Variants in PLCH1 observed in about 807,000 individuals in gnomAD.
PLCH1 encodes phospholipase C eta 1.
A neutral mutation model predicts 126.7 loss-of-function variants in PLCH1; 60 were observed. The ratio of observed to expected loss-of-function variants is 0.47; its 90% CI spans 0.38 to 0.59. The LOEUF is 0.59. Ranked by LOEUF, PLCH1 falls within the 20% of genes least tolerant of loss-of-function variation. The probability of loss-of-function intolerance (pLI) is 0.00; values close to 1 mark genes in which losing one functional copy is unlikely to be tolerated. For missense variants in PLCH1, 1,723 were observed against 2,040.0 expected (o/e 0.84, Z 2.99); for synonymous variants, 719 against 734.9 (o/e 0.98, Z 0.35).
At chr3:155,579,938 CAT>C (rs1730448400) in intron 6 of PLCH1, among the ~76,000 whole-genome samples, 1 of 152,104 alleles carries the variant, frequency 6.6e-6, no homozygotes, top group South Asian at 2.1e-4. Flanking sequence ...CATACACACA[CAT>C]GCAGAGGCAA....
chr3:155,683,951 G>T (rs935622089), intron 2 of PLCH1, among the ~76,000 whole-genome samples: 2 of 152,156 alleles, frequency 1.3e-5, no homozygotes, highest in East Asian at 3.8e-4. Flanking sequence ...GTATTCTCCA[G>T]CACTCCAGCT....
At position 155,482,176 on chromosome 3, in the gene PLCH1, A is replaced by G. The variant is rs1325452112; in HGVS notation, c.3850T>C (p.Ser1284Pro). Residue 1284 changes from serine (S) to proline (P), a missense_variant, in exon 23 of 23, where the codon TCT becomes CCT. This residue lies in a region of PLCH1 where 947 missense variants were observed against 977.1 expected (regional missense o/e 0.97). Coordinates refer to ENST00000460012, the MANE Select transcript of PLCH1 (RefSeq NM_014996.4). ...AAGGCCGCTGTCTTGGCCTTACTAG[A>G]AAGGTCATCATCTGGTTTGGTTTTA... The part of the protein sequence containing the change: ...ISKTKPDDDL[S>P]SKAKTAALES... 1.2e-6 allele frequency: 2 copies of G among 1,614,030 alleles called. No individual in the cohort carries two copies. Among genetic ancestry groups the G allele is most frequent in the African/African-American group, 1.3e-5 (1 of 74,900 alleles).
chr3:155,599,903 C>G (rs1401683933), intron 2 of PLCH1, among the ~76,000 whole-genome samples: 6 of 152,180 alleles, frequency 3.9e-5, no homozygotes, highest in African/African-American at 1.4e-4. Context: ...AACATTTTAA[C>G]AGGAACGGTA....
intron 2 of PLCH1, among the ~76,000 whole-genome samples, chr3:155,621,071 C>A (rs1372244379): frequency 1.3e-5 from 2 of 152,152 alleles, no homozygotes; most frequent in African/African-American, 4.8e-5. Context: ...AAGGAACAGG[C>A]TGCAATCTTT....
chr3:155,686,416 A>T (rs769658552), intron 2 of PLCH1, among the ~76,000 whole-genome samples: 1 of 152,254 alleles, frequency 6.6e-6, no homozygotes, highest in Admixed American at 6.5e-5. Context: ...ATAAGGACCC[A>T]TGGAAGGGAC....
At chr3:155,460,623 C>T (rs572432046) in intron 21 of PLCH1, among the ~76,000 whole-genome samples, 2 of 152,216 alleles carry the variant, frequency 1.3e-5, no homozygotes, top group South Asian at 4.2e-4. Context: ...AGCAATATCT[C>T]CTCCCAAGAT....
At chr3:155,706,943 G>T (rs1180758698) in intron 1 of PLCH1, among the ~76,000 whole-genome samples, 1 of 152,174 alleles carries the variant, frequency 6.6e-6, no homozygotes, top group East Asian at 1.9e-4. Context: ...TTGAATGTTT[G>T]TGTCTGCCCC....
intron 3 of PLCH1, among the ~76,000 whole-genome samples, 182 bp from the exon 4 acceptor site, chr3:155,594,366 T>C (rs1202329708): frequency 6.6e-6 from 1 of 151,642 alleles, no homozygotes; most frequent in East Asian, 1.9e-4. Flanking sequence ...AGCTCAGGAG[T>C]TCGAGACCAG....
intron 2 of PLCH1, among the ~76,000 whole-genome samples, chr3:155,620,382 A>G (rs1010593604): frequency 1.3e-5 from 2 of 152,218 alleles, no homozygotes; most frequent in Non-Finnish European, 1.5e-5. Context: ...AAGAATAAGC[A>G]AGGCTGAGAT....
Position 155,485,713 on chromosome 3 carries a change from G to T in PLCH1, c.2620-3C>A. 1 of 1,568,780 alleles carries T rather than the reference G, an allele frequency of 6.4e-7. No homozygotes were observed. Among genetic ancestry groups the T allele is most frequent in the Non-Finnish European group, 8.6e-7 (1 of 1,156,398 alleles). On this transcript the variant is annotated splice_region_variant and splice_polypyrimidine_tract_variant and intron_variant, in intron 21 of 22. Transcript: ENST00000460012. ...TTCAGACCCTGGAGTTGTCTGTTCT[G>T]AAGACACAAAAGAACCAACCACAAG...
intron 11 of PLCH1, among the ~76,000 whole-genome samples, chr3:155,515,812 G>T (rs557849459): frequency 1.4e-3 from 219 of 152,268 alleles, no homozygotes; most frequent in Non-Finnish European, 2.4e-3. Flanking sequence ...CCCCCAAAGG[G>T]AGGAAAGGGA....
chr3:155,581,528 A>C lies in PLCH1; in HGVS notation c.771+1944T>G, dbSNP rs539827581. Among the ~76,000 whole-genome samples, 4 of 152,332 alleles carry C rather than the reference A, an allele frequency of 2.6e-5. No individual in the cohort carries two copies. In the South Asian group the frequency reaches 8.3e-4, roughly 32 times the overall value. The stretch of plus-strand genomic sequence containing the variant: ...AATGAATCTTGAAAACATTACGCCA[A>C]ATGAAAGAAGCCAGTCACAAAGGTC... On this transcript the variant is annotated intron_variant, in intron 6 of 22. Coordinates refer to ENST00000460012, the MANE Select transcript of PLCH1 (RefSeq NM_014996.4).
chr3:155,676,102 CT>C, intron 2 of PLCH1: 1 of 1,432,602 alleles, frequency 7.0e-7, no homozygotes, highest in Non-Finnish European at 9.2e-7. Flanking sequence ...AAGGCAAAGC[CT>C]TTTCCTGATA....
At position 155,699,822 on chromosome 3, in the gene PLCH1, T is replaced by TCACACACACACACACACACACACACA. The variant is rs59082626; in HGVS notation, c.79+4298_79+4323dup. On this transcript the variant is annotated intron_variant, in intron 2 of 22. Transcript: ENST00000460012. ...ATGGTCAGGAGAAACCTGTGACCAT[T>TCACACACACACACACACACACACACA]CACACACACACACACACACACACAC... Among the ~76,000 whole-genome samples the TCACACACACACACACACACACACACA allele has an allele frequency of 3.9e-3, 573 of 147,772 alleles. 2 individuals are homozygous for TCACACACACACACACACACACACACA. The highest frequency in any genetic ancestry group is 7.5e-3 in the African/African-American group (294 of 39,138).
intron 2 of PLCH1, among the ~76,000 whole-genome samples, chr3:155,679,098 T>C (rs1744308773): frequency 6.6e-6 from 1 of 152,226 alleles, no homozygotes; most frequent in African/African-American, 2.4e-5. Context: ...CTTGATTCAC[T>C]GCCTGGCCTT....
At chr3:155,483,975 T>C (rs970584876) in intron 22 of PLCH1, among the ~76,000 whole-genome samples, 1 of 152,158 alleles carries the variant, frequency 6.6e-6, no homozygotes, top group South Asian at 2.1e-4. Flanking sequence ...CATAAAAATT[T>C]TGAAAACCTC....
At chr3:155,632,683 T>C (rs1196643590) in intron 2 of PLCH1, among the ~76,000 whole-genome samples, 2 of 152,198 alleles carry the variant, frequency 1.3e-5, no homozygotes, top group African/African-American at 4.8e-5. Flanking sequence ...TTTTTCTAAA[T>C]GGTGGTGAGG....
downstream of PLCH1, among the ~76,000 whole-genome samples, chr3:155,477,971 C>T (rs972234986): frequency 6.6e-6 from 1 of 152,060 alleles, no homozygotes; most frequent in Non-Finnish European, 1.5e-5. Flanking sequence ...GCACTGCTTA[C>T]CTTAGCTAAG....
intron 6 of PLCH1, among the ~76,000 whole-genome samples, chr3:155,568,802 C>T (rs1336254729): frequency 1.5e-5 from 2 of 131,266 alleles, no homozygotes; most frequent in Non-Finnish European, 3.2e-5. Context: ...ATACAACCAT[C>T]CACTGAGCAG....
Sources: allele counts gnomAD v4.1 joint callset (sites outside exome capture counted in the v4.1 genomes callset), GRCh38; gene constraint gnomAD v4.1.1; regional missense constraint gnomAD v4.1.1; transcripts MANE v1.5; gene names NCBI Gene and HGNC (gene_info 2026-07-23, HGNC 2026-07-21).